The following RDH13 variants were observed in gnomAD, a reference collection of about 807,000 sequenced individuals.
RDH13 encodes retinol dehydrogenase 13.
In RDH13, 35 loss-of-function variants were observed where a neutral mutation model predicts 28.3. The observed-to-expected ratio is 1.24, with a 90% CI of 0.95 to 1.64. The LOEUF is 1.64. Ranked by LOEUF, RDH13 falls within the 40% of genes most tolerant of loss-of-function variation. The pLI, the probability that RDH13 is intolerant of heterozygous loss-of-function variation, is 0.00. For missense variants in RDH13, 514 were observed against 446.3 expected (o/e 1.15, Z -1.37); for synonymous variants, 229 against 198.5 (o/e 1.15, Z -1.29).
At chr19:55,050,127 G>GGGC (rs2075382372) in intron 3 of RDH13, among the ~76,000 whole-genome samples, 4 of 36,116 alleles carry the variant, frequency 1.1e-4, no homozygotes, top group African/African-American at 2.9e-4. Flanking sequence ...TTTTTTTTTG[G>GGGC]GGGGGGGAGA....
chr19:55,047,075 G>A, intron 6 of RDH13: 1 of 1,220,490 alleles, frequency 8.2e-7, no homozygotes, highest in Non-Finnish European at 1.1e-6. Flanking sequence ...CCCAGGAGGT[G>A]CAGCTGGTTT....
upstream of RDH13, among the ~76,000 whole-genome samples, chr19:55,065,754 GA>G (rs2075948516): frequency 1.3e-5 from 2 of 151,724 alleles, no homozygotes; most frequent in Admixed American, 1.3e-4. Flanking sequence ...GTCTCTCTCC[GA>G]TGCCCAGGCT....
At chr19:55,062,845 C>A (rs1227968409) in intron 1 of RDH13, 123 bp downstream of exon 1, 16 of 834,696 alleles carry the variant, frequency 1.9e-5, no homozygotes, top group Non-Finnish European at 2.5e-5. Flanking sequence ...TCCGGGCGGG[C>A]ACTGCGGGTC....
intron 3 of RDH13, among the ~76,000 whole-genome samples, chr19:55,051,520 G>A (rs896986236): frequency 5.4e-5 from 7 of 129,258 alleles, no homozygotes; most frequent in Non-Finnish European, 6.6e-5. Context: ...AACCTCTACC[G>A]CCTGGGTTCA....
chr19:55,066,655 TTCTCTC>T (rs148846272), upstream of RDH13, among the ~76,000 whole-genome samples: 7 of 145,198 alleles, frequency 4.8e-5, no homozygotes, highest in Non-Finnish European at 1.5e-5. Flanking sequence ...CTCTTTCTCT[TTCTCTC>T]TCTCTTCCTC....
At chr19:55,054,374 T>C (rs1376665051) in intron 3 of RDH13, among the ~76,000 whole-genome samples, 1 of 152,002 alleles carries the variant, frequency 6.6e-6, no homozygotes, top group East Asian at 1.9e-4. Flanking sequence ...GGCAGGCGGA[T>C]CACAAGGTCA....
At chr19:55,064,613 TTG>T (rs1491438265), upstream of RDH13, among the ~76,000 whole-genome samples, 11 of 150,738 alleles carry the variant, frequency 7.3e-5, no homozygotes, top group African/African-American at 2.7e-4. Flanking sequence ...GTTTGTTTGT[TTG>T]TTTTGTTTTG....
intron 2 of RDH13, among the ~76,000 whole-genome samples, chr19:55,057,666 G>C (rs2075682042): frequency 6.6e-6 from 1 of 151,802 alleles, no homozygotes; most frequent in Non-Finnish European, 1.5e-5. Context: ...TTGAACTTCT[G>C]ACCTCAGGTG....
chr19:55,065,254 C>T (rs543334855), upstream of RDH13, among the ~76,000 whole-genome samples: 11 of 151,420 alleles, frequency 7.3e-5, no homozygotes, highest in East Asian at 4.0e-4. Flanking sequence ...TTTGGTGGCA[C>T]GCATCTGCAC....
chr19:55,048,141 C>G lies in RDH13; in HGVS notation c.658+188G>C, dbSNP rs1203075989. The G allele has an allele frequency of 7.2e-6, 11 of 1,533,474 alleles. No individual in the cohort carries two copies. The South Asian group carries it at 1.3e-4, about 18-fold the overall frequency. 95.0% of individuals were successfully genotyped at this position (1,533,474 alleles called of 1,614,324 possible). ...GACCACCTGGGATGAACAGACAATCCTCAGAAGAACGATCGATTAGTGATG... is the reference window on the plus strand; with the variant it reads ...GACCACCTGGGATGAACAGACAATCGTCAGAAGAACGATCGATTAGTGATG... On this transcript the variant is annotated intron_variant, in intron 5 of 6. Coordinates refer to ENST00000415061, the MANE Select transcript of RDH13 (RefSeq NM_001145971.2).
upstream of RDH13, among the ~76,000 whole-genome samples, chr19:55,066,389 A>C (rs1188007012): frequency 2.0e-5 from 3 of 150,514 alleles, no homozygotes; most frequent in South Asian, 2.1e-4. Context: ...GTTCTTCTCT[A>C]TCTCTCCTCT....
In RDH13 at chr19:55,054,085, C is replaced by T. The variant is rs538861197; in HGVS notation, c.340+2568G>A. On this transcript the variant is annotated intron_variant, in intron 3 of 6. Coordinates refer to ENST00000415061, the MANE Select transcript of RDH13 (RefSeq NM_001145971.2). ...ATGAATGAATGAACCAACGAATGTG[C>T]ACCTGCACCTGCCTCCCTAGGGCTG... 1.1e-4 allele frequency among the ~76,000 whole-genome samples: 16 copies of T among 152,278 alleles called. No homozygotes were observed. In the East Asian group the frequency reaches 3.1e-3, roughly 29 times the overall value.
At chr19:55,062,637 GCC>G (rs1201415387) in intron 1 of RDH13, among the ~76,000 whole-genome samples, 127 of 152,154 alleles carry the variant, frequency 8.3e-4, no homozygotes, top group Non-Finnish European at 1.0e-3. Flanking sequence ...CCAAGATCGC[GCC>G]ACTGCACTCC....
At chr19:55,062,758 A>T (rs2147077728) in intron 1 of RDH13, among the ~76,000 whole-genome samples, 1 of 152,370 alleles carries the variant, frequency 6.6e-6, no homozygotes, top group East Asian at 1.9e-4. Flanking sequence ...CAACATTTAC[A>T]AGGGCCCAGG....
chr19:55,042,976 A>T (rs1328332290), downstream of RDH13: 1 of 152,144 alleles, frequency 6.6e-6, no homozygotes, highest in African/African-American at 2.4e-5. Flanking sequence ...GCCCTATCCT[A>T]CTGCTAGAAG....
intron 3 of RDH13, among the ~76,000 whole-genome samples, chr19:55,052,390 C>A (rs1419411096): frequency 4.7e-5 from 7 of 150,120 alleles, no homozygotes; most frequent in Non-Finnish European, 1.0e-4. Context: ...ACTAAAAATA[C>A]AAAATTAGCC....
chr19:55,054,620 G>C (rs2075570003), intron 3 of RDH13, among the ~76,000 whole-genome samples: 1 of 152,118 alleles, frequency 6.6e-6, no homozygotes, highest in African/African-American at 2.4e-5. Context: ...CCAGGTTAGA[G>C]TGCAGTGGCA....
At chr19:55,047,935 G>A in intron 5 of RDH13, 1 of 717,714 alleles carries the variant, frequency 1.4e-6, no homozygotes, top group Non-Finnish European at 2.1e-6. Flanking sequence ...GAGAGCATCT[G>A]GGCCTTTACC....
chr19:55,044,976 G>T lies in RDH13; in HGVS notation c.*98C>A. 1.1e-6 allele frequency: 1 copy of T among 922,140 alleles called. No individual in the cohort carries two copies. The highest frequency in any genetic ancestry group is 1.6e-6 in the Non-Finnish European group (1 of 611,022). The allele number at this position is 922,140 out of a possible 1,614,324, so 57.1% of individuals were successfully genotyped here. A position where few individuals can be genotyped will look rare whatever the true frequency, so the allele number is the denominator to read the frequency against. ...GCGGGCATGGCGGCCGCCAGTCCTG[G>T]GTCTCCCGGCTCAGGTAGTGCCAGG... On this transcript the variant is annotated 3_prime_UTR_variant, in exon 7 of 7. Transcript: ENST00000415061.
Sources: allele counts gnomAD v4.1 joint callset (sites outside exome capture counted in the v4.1 genomes callset), GRCh38; gene constraint gnomAD v4.1.1; transcripts MANE v1.5; gene names NCBI Gene and HGNC (gene_info 2026-07-23, HGNC 2026-07-21).